The following CHD9 variants were observed in gnomAD, a reference collection of about 807,000 sequenced individuals.
The protein encoded by CHD9 is ATP-dependent chromatin remodeler CHD9.
A neutral mutation model predicts 316.1 loss-of-function variants in CHD9; 77 were observed. That is an observed-to-expected ratio of 0.24 (90% CI 0.20 to 0.29). The LOEUF is 0.29. Ranked by LOEUF, CHD9 falls within the 10% of genes least tolerant of loss-of-function variation. The probability of loss-of-function intolerance (pLI) is 1.00; values close to 1 mark genes in which losing one functional copy is unlikely to be tolerated. For synonymous variants in CHD9, 1,129 were observed against 1,158.3 expected (o/e 0.97, Z 0.51); for missense variants, 2,763 against 3,438.1 (o/e 0.80, Z 4.91).
chr16:53,157,275 T>C lies in CHD9; in HGVS notation c.1186T>C (p.Ser396Pro), dbSNP rs1476846057. The C allele has an allele frequency of 1.2e-6, 2 of 1,607,682 alleles. No individual in the cohort carries two copies. The highest frequency in any genetic ancestry group is 1.7e-5 in the Admixed American group (1 of 58,710). Reference protein sequence around the residue: ...LEENLLHQVESQTEPFTGLDP... With the variant: ...LEENLLHQVEPQTEPFTGLDP... Reference sequence around the variant, plus strand: ...AGAGAATTTACTTCATCAAGTGGAATCTCAAACTGAGCCATTCACAGGACT... The same window carrying C: ...AGAGAATTTACTTCATCAAGTGGAACCTCAAACTGAGCCATTCACAGGACT... The change falls in exon 2 of 39, where the codon TCT becomes CCT. Residue 396 changes from serine to proline, a missense_variant. Physicochemically the swap from Ser to Pro is moderately conservative, Grantham distance 74. This residue lies in a region of CHD9 where 859 missense variants were observed against 890.4 expected (regional missense o/e 0.96). Transcript: ENST00000447540.
intron 1 of CHD9, among the ~76,000 whole-genome samples, chr16:53,154,678 C>A (rs928903655): frequency 2.0e-5 from 3 of 152,120 alleles, no homozygotes; most frequent in Non-Finnish European, 4.4e-5. Flanking sequence ...AGGGTTCGGG[C>A]TGCTATGAGA....
chr16:53,308,954 T>C (rs2056229730), intron 34 of CHD9, 100 bp downstream of exon 34: 1 of 902,306 alleles, frequency 1.1e-6, no homozygotes, highest in Non-Finnish European at 1.7e-6. Context: ...TTTTCCTTTG[T>C]TGGAACCTCT....
At chr16:53,234,613 GTTT>G (rs1199271044) in intron 10 of CHD9, among the ~76,000 whole-genome samples, 1 of 151,594 alleles carries the variant, frequency 6.6e-6, no homozygotes, top group South Asian at 2.1e-4. Context: ...TATGTTTTAT[GTTT>G]TTTTAAATAG....
At chr16:53,247,729 C>A in intron 16 of CHD9, 1 of 391,830 alleles carries the variant, frequency 2.6e-6, no homozygotes, top group Non-Finnish European at 4.5e-6. Context: ...GAAAAGCTTG[C>A]AAATAAATAT....
intron 10 of CHD9, 156 bp from the exon 11 acceptor site, chr16:53,235,029 T>C: frequency 2.0e-6 from 1 of 495,916 alleles, no homozygotes; most frequent in Middle Eastern, 3.5e-4. Flanking sequence ...GGAAGAGTTG[T>C]ATAGAATTAA....
At chr16:53,089,733 A>C (rs1460595693) in intron 1 of CHD9, among the ~76,000 whole-genome samples, 1 of 152,216 alleles carries the variant, frequency 6.6e-6, no homozygotes. Context: ...TCACCCACCC[A>C]GGTTCATTCC....
intron 1 of CHD9, among the ~76,000 whole-genome samples, chr16:53,063,764 C>G (rs1424757080): frequency 6.6e-6 from 1 of 151,646 alleles, no homozygotes. Context: ...ATCTCCTGAC[C>G]TCGTGACCCG....
rs1597250122 is a variant in CHD9, at chr16:53,167,645, T to C, written c.1452+10104T>C. ...CTTTGTTTCATGGCATTTGACAATC[T>C]GTAATTATTTGATTCTTCAAATACA... On this transcript the variant is annotated intron_variant, in intron 2 of 38. Transcript: ENST00000447540. Among the ~76,000 whole-genome samples, 6 of 148,152 alleles carry C rather than the reference T, an allele frequency of 4.0e-5. No homozygotes were observed. In the South Asian group the frequency reaches 1.3e-3, roughly 31 times the overall value.
chr16:53,236,444 A>G (rs900357973), intron 11 of CHD9, among the ~76,000 whole-genome samples: 2 of 151,842 alleles, frequency 1.3e-5, no homozygotes, highest in South Asian at 2.1e-4. Context: ...TAGTCTTCTT[A>G]GAGCCTTAGA....
Position 53,315,068 on chromosome 16 carries a change from G to A in CHD9, c.7584+24G>A, listed in dbSNP as rs770756033. ...CTGTAGGTGACACCTTAAAATTCTT[G>A]TTATATTTTATTTTTATGAGTTGTC... On this transcript the variant is annotated intron_variant, in intron 36 of 38. Transcript: ENST00000447540. The A allele has an allele frequency of 8.5e-6, 13 of 1,533,738 alleles. No homozygotes were observed. In the South Asian group the frequency reaches 1.4e-4, roughly 16 times the overall value.
At chr16:53,186,643 C>T (rs1322451235) in intron 2 of CHD9, among the ~76,000 whole-genome samples, 2 of 152,166 alleles carry the variant, frequency 1.3e-5, no homozygotes, top group African/African-American at 4.8e-5. Context: ...CCCAAAATCT[C>T]ATCTTGAATT....
At chr16:53,255,533 T>A in intron 18 of CHD9, 67 bp from the exon 19 acceptor site, 1 of 1,428,420 alleles carries the variant, frequency 7.0e-7, no homozygotes, top group Non-Finnish European at 9.6e-7. Flanking sequence ...TGACATCCTT[T>A]AGGGATACTT....
At chr16:53,174,687 C>A (rs1038570785) in intron 2 of CHD9, among the ~76,000 whole-genome samples, 1 of 152,160 alleles carries the variant, frequency 6.6e-6, no homozygotes, top group Non-Finnish European at 1.5e-5. Context: ...TGGCTCTGTG[C>A]AGCTTCAATG....
chr16:53,064,168 C>G (rs1046387266), intron 1 of CHD9, among the ~76,000 whole-genome samples: 1 of 152,074 alleles, frequency 6.6e-6, no homozygotes, highest in African/African-American at 2.4e-5. Flanking sequence ...CTCAGAAGAT[C>G]AATCTATTCC....
chr16:53,319,914 TA>T, intron 37 of CHD9: 1 of 900,204 alleles, frequency 1.1e-6, no homozygotes, highest in Non-Finnish European at 1.5e-6. Context: ...ATGAAGGAGA[TA>T]ATAAAAAAGA....
intron 1 of CHD9, among the ~76,000 whole-genome samples, chr16:53,105,403 T>C (rs1165349451): frequency 6.6e-6 from 1 of 152,222 alleles, no homozygotes; most frequent in Admixed American, 6.5e-5. Context: ...CATACACTTA[T>C]TCTACAACTT....
chr16:53,249,852 A>G lies in CHD9; in HGVS notation c.3666-19A>G. 3 of 1,574,122 alleles carry G rather than the reference A, an allele frequency of 1.9e-6. No individual in the cohort carries two copies. The highest frequency in any genetic ancestry group is 2.6e-6 in the Non-Finnish European group (3 of 1,143,742). Reference sequence around the variant, plus strand: ...TTATTATACTTATTTATGTAAATTTATTCCATTTCATTCCATAGATACTTA... The same window carrying G: ...TTATTATACTTATTTATGTAAATTTGTTCCATTTCATTCCATAGATACTTA... On this transcript the variant is annotated intron_variant, in intron 16 of 38. Coordinates refer to ENST00000447540, the MANE Select transcript of CHD9 (RefSeq NM_001308319.2).
intron 1 of CHD9, among the ~76,000 whole-genome samples, chr16:53,152,261 T>G (rs570179564): frequency 3.3e-4 from 50 of 152,342 alleles, no homozygotes; most frequent in African/African-American, 1.1e-3. Context: ...ACAGATTTCC[T>G]TGAATGCTGG....
At chr16:53,221,103 T>C (rs1169160811) in intron 3 of CHD9, among the ~76,000 whole-genome samples, 2 of 152,204 alleles carry the variant, frequency 1.3e-5, no homozygotes, top group Non-Finnish European at 2.9e-5. Flanking sequence ...TCCTAGAGCC[T>C]AGGAAAGTGC....
Sources: gnomAD v4.1 joint callset for allele counts (sites outside exome capture counted in the v4.1 genomes callset) on GRCh38, gnomAD v4.1.1 for gene constraint, gnomAD v4.1.1 regional missense constraint, MANE v1.5 for transcripts, NCBI Gene and HGNC (gene_info 2026-07-23, HGNC 2026-07-21) for gene names.